SCMH1: variants seen among roughly 807,000 people sequenced by gnomAD.
SCMH1 encodes polycomb protein SCMH1.
In SCMH1, 37 loss-of-function variants were observed where a neutral mutation model predicts 70.8. That is an observed-to-expected ratio of 0.52 (90% CI 0.40 to 0.69). The LOEUF is 0.69. SCMH1 is among the 30% of genes least tolerant of loss of function. SCMH1 has a pLI of 0.00. For synonymous variants in SCMH1, 292 were observed against 307.4 expected, an observed-to-expected ratio of 0.95 and a Z score of 0.52; for missense variants, 607 against 827.3, an observed-to-expected ratio of 0.73 and a Z score of 3.27.
At chr1:41,094,627 C>T (rs1021814134) in intron 8 of SCMH1, among the ~76,000 whole-genome samples, 8 of 152,166 alleles carry the variant, frequency 5.3e-5, no homozygotes, top group Non-Finnish European at 1.0e-4. Context: ...TCATGGCTCA[C>T]GCCTGTAATC....
chr1:41,070,820 G>A (rs1656223056), intron 9 of SCMH1, 99 bp from the exon 10 acceptor site: 1 of 1,382,788 alleles, frequency 7.2e-7, no homozygotes, highest in Non-Finnish European at 9.9e-7. Context: ...ATATATTTAT[G>A]GATGGAATAG....
chr1:41,087,980 T>C (rs903525285), intron 8 of SCMH1, among the ~76,000 whole-genome samples: 2 of 55,542 alleles, frequency 3.6e-5, no homozygotes, highest in Non-Finnish European at 6.7e-5. Flanking sequence ...ATTTATGCAA[T>C]GGTAGCATTA....
At chr1:41,176,455 C>T (rs937089427) in intron 2 of SCMH1, among the ~76,000 whole-genome samples, 4 of 152,198 alleles carry the variant, frequency 2.6e-5, no homozygotes, top group African/African-American at 4.8e-5. Flanking sequence ...GGCGAGGCAT[C>T]GCCTCACCTG....
intron 1 of SCMH1, among the ~76,000 whole-genome samples, chr1:41,223,079 C>T (rs554520794): frequency 2.8e-4 from 43 of 152,004 alleles, no homozygotes; most frequent in African/African-American, 1.0e-3. Context: ...AGAATTAGTC[C>T]TAAATCCCTG....
chr1:41,231,330 T>G (rs1661258904), intron 1 of SCMH1, among the ~76,000 whole-genome samples: 1 of 152,216 alleles, frequency 6.6e-6, no homozygotes, highest in South Asian at 2.1e-4. Flanking sequence ...TATGAAGAAA[T>G]ATGTTTTAAT....
chr1:41,073,864 T>C (rs16827876), intron 9 of SCMH1, among the ~76,000 whole-genome samples: 1 of 151,984 alleles, frequency 6.6e-6, no homozygotes, highest in African/African-American at 2.4e-5. Context: ...ACAAACAAAC[T>C]AACCCTAGGG....
At chr1:41,234,242 C>G (rs1237928482) in intron 1 of SCMH1, among the ~76,000 whole-genome samples, 2 of 152,064 alleles carry the variant, frequency 1.3e-5, no homozygotes, top group African/African-American at 4.8e-5. Context: ...TGACAACAGC[C>G]TGACAACATA....
At chr1:41,057,132 C>T (rs1650623345) in intron 10 of SCMH1, among the ~76,000 whole-genome samples, 1 of 152,176 alleles carries the variant, frequency 6.6e-6, no homozygotes, top group Non-Finnish European at 1.5e-5. Flanking sequence ...ACCAGAAGCA[C>T]TTGTTAAGTT....
intron 6 of SCMH1, among the ~76,000 whole-genome samples, chr1:41,130,712 T>G (rs1450254062): frequency 6.6e-6 from 1 of 152,184 alleles, no homozygotes; most frequent in African/African-American, 2.4e-5. Flanking sequence ...ATACAAAGTG[T>G]GCAAACATCA....
chr1:41,179,403 C>G (rs1212801867), intron 2 of SCMH1, among the ~76,000 whole-genome samples: 1 of 152,110 alleles, frequency 6.6e-6, no homozygotes, highest in Non-Finnish European at 1.5e-5. Context: ...ACAAAAAACC[C>G]TTCCAAAAAA....
At chr1:41,093,379 G>A (rs962796305) in intron 8 of SCMH1, among the ~76,000 whole-genome samples, 2 of 124,058 alleles carry the variant, frequency 1.6e-5, no homozygotes, top group African/African-American at 3.0e-5. Context: ...CATGGGGTGG[G>A]GGGAGGGGGG....
chr1:41,135,153 CAT>C (rs1175123630), intron 6 of SCMH1, among the ~76,000 whole-genome samples: 3 of 151,970 alleles, frequency 2.0e-5, no homozygotes, highest in South Asian at 2.1e-4. Context: ...TGTGTGGGCA[CAT>C]GTGTATAAAT....
At chr1:41,209,190 CCAATAA>C (rs1656387618) in intron 1 of SCMH1, among the ~76,000 whole-genome samples, 1 of 152,162 alleles carries the variant, frequency 6.6e-6, no homozygotes, top group Admixed American at 6.5e-5. Flanking sequence ...TCTGAATAGA[CCAATAA>C]CAGGATCTGA....
chr1:41,028,803 C>CAG, intron 13 of SCMH1, 77 bp from the exon 15 acceptor site: 1 of 1,515,218 alleles, frequency 6.6e-7, no homozygotes, highest in Non-Finnish European at 9.0e-7. Flanking sequence ...TGGCACATCT[C>CAG]AGTGGCCTTC....
At chr1:41,181,406 C>T (rs1296014522) in intron 2 of SCMH1, among the ~76,000 whole-genome samples, 1 of 152,150 alleles carries the variant, frequency 6.6e-6, no homozygotes, top group Non-Finnish European at 1.5e-5. Context: ...TCAGAGTGAA[C>T]AGGCAACCTA....
chr1:41,239,262 G>C (rs908669543), intron 1 of SCMH1, among the ~76,000 whole-genome samples: 1 of 152,044 alleles, frequency 6.6e-6, no homozygotes, highest in South Asian at 2.1e-4. Flanking sequence ...GGTTCTCTAC[G>C]CAAGCCATTC....
At chr1:41,039,951 CT>C (rs11369029) in intron 12 of SCMH1, among the ~76,000 whole-genome samples, 20 of 147,206 alleles carry the variant, frequency 1.4e-4, no homozygotes, top group Non-Finnish European at 1.5e-4. Context: ...TGCCAAAAAA[CT>C]TTTTTTTTTT....
chr1:41,207,620 T>C (rs1655876673), intron 1 of SCMH1, among the ~76,000 whole-genome samples: 1 of 152,170 alleles, frequency 6.6e-6, no homozygotes, highest in Admixed American at 6.5e-5. Context: ...TTGTCAATAT[T>C]AGACAGATCA....
chr1:41,236,274 T>C (rs1409709498), intron 1 of SCMH1, among the ~76,000 whole-genome samples: 1 of 152,172 alleles, frequency 6.6e-6, no homozygotes, highest in Non-Finnish European at 1.5e-5. Context: ...ACAGTTATCT[T>C]CACCTCTCTT....
Sources: gnomAD v4.1 joint callset for allele counts (sites outside exome capture counted in the v4.1 genomes callset) on GRCh38, gnomAD v4.1.1 for gene constraint, MANE v1.5 for transcripts, NCBI Gene and HGNC (gene_info 2026-07-23, HGNC 2026-07-21) for gene names.